Variants in BMP2K observed in about 807,000 individuals in gnomAD.
The protein encoded by BMP2K is BMP2 inducible kinase, also known as BMP-2-inducible protein kinase.
Under a neutral mutation model 116.0 loss-of-function variants are expected in BMP2K, and 74 were observed. That is an observed-to-expected ratio of 0.64 (90% confidence interval 0.53 to 0.77). The LOEUF is 0.77. Ranked by LOEUF, BMP2K falls within the 30% of genes least tolerant of loss-of-function variation. The pLI is 0.00. For synonymous variants in BMP2K, 486 were observed against 502.5 expected, an observed-to-expected ratio of 0.97 and a Z score of 0.44; for missense variants, 1,365 against 1,403.6, an observed-to-expected ratio of 0.97 and a Z score of 0.44.
intron 13 of BMP2K, among the ~76,000 whole-genome samples, chr4:78,876,519 A>G (rs1015142916): frequency 2.6e-5 from 4 of 152,220 alleles, no homozygotes; most frequent in Admixed American, 2.6e-4. Context: ...TGGCTCAGAT[A>G]TGCTGAAGGG....
chr4:78,798,427 TC>T (rs1331575492), intron 1 of BMP2K, among the ~76,000 whole-genome samples: 1 of 152,226 alleles, frequency 6.6e-6, no homozygotes, highest in Non-Finnish European at 1.5e-5. Flanking sequence ...TGTAGTCTCA[TC>T]AAGGGAGAAC....
chr4:78,913,298 T>C lies in BMP2K; in HGVS notation c.*1265T>C, dbSNP rs1040633188. 4 of 152,184 alleles carry C rather than the reference T, an allele frequency of 2.6e-5. No individual in the cohort carries two copies. The highest frequency in any genetic ancestry group is 5.9e-5 in the Non-Finnish European group (4 of 68,014). The allele number at this position is 152,184 out of a possible 1,614,324, so 9.4% of individuals were successfully genotyped here. On this transcript the variant is annotated 3_prime_UTR_variant, in exon 16 of 16. Transcript: ENST00000502613. ...CTAGCATCTTAATTCTGCTAGTTGATTGTGTCTTTACTGAAAAGAACCCAG... is the reference window on the plus strand; with the variant it reads ...CTAGCATCTTAATTCTGCTAGTTGACTGTGTCTTTACTGAAAAGAACCCAG...
chr4:78,781,020 T>C (rs1727479670), intron 1 of BMP2K, among the ~76,000 whole-genome samples: 1 of 152,132 alleles, frequency 6.6e-6, no homozygotes, highest in African/African-American at 2.4e-5. Context: ...CTGAAGTCTC[T>C]GTGTGAGGGA....
intron 15 of BMP2K, among the ~76,000 whole-genome samples, chr4:78,894,812 C>T (rs1733621162): frequency 1.3e-5 from 2 of 152,160 alleles, no homozygotes; most frequent in African/African-American, 4.8e-5. Flanking sequence ...ATTTCTAACT[C>T]TTGATTTAAA....
Position 78,776,615 on chromosome 4 carries a change from C to T in BMP2K, c.72C>T (p.Gly24=). Residue 24 remains glycine (G), a synonymous_variant, in exon 1 of 16, where the codon GGC becomes GGT. Transcript: ENST00000502613. ...SGGGAAGGGA[G]GAGAGAGCGS... ...GCGGAGCGGCGGGTGGCGGGGCTGG[C>T]GGGGCCGGGGCCGGGGCCGGCTGCG... is the stretch of plus-strand genomic sequence containing the variant. 6 of 1,167,240 alleles carry T rather than the reference C, an allele frequency of 5.1e-6. No homozygotes were observed. Among genetic ancestry groups the T allele is most frequent in the Non-Finnish European group, 4.3e-6 (4 of 939,918 alleles). 72.3% of individuals were successfully genotyped at this position (1,167,240 alleles called of 1,614,324 possible). A position where few individuals can be genotyped will look rare whatever the true frequency, so the allele number is the denominator to read the frequency against.
At chr4:78,851,749 TAAATC>T (rs985412489) in intron 7 of BMP2K, among the ~76,000 whole-genome samples, 1 of 152,100 alleles carries the variant, frequency 6.6e-6, no homozygotes, top group Non-Finnish European at 1.5e-5. Flanking sequence ...AAATTGCAGA[TAAATC>T]AAAGATTTAA....
intron 1 of BMP2K, among the ~76,000 whole-genome samples, chr4:78,804,894 A>G (rs1226005765): frequency 6.6e-6 from 1 of 151,892 alleles, no homozygotes; most frequent in Non-Finnish European, 1.5e-5. Flanking sequence ...CTTTCTTGAT[A>G]GTGTCTTCAA....
At chr4:78,868,069 A>G (rs920524678) in intron 10 of BMP2K, among the ~76,000 whole-genome samples, 14 of 152,176 alleles carry the variant, frequency 9.2e-5, no homozygotes, top group African/African-American at 2.9e-4. Flanking sequence ...CAAAAATAGT[A>G]AGTAAATAAA....
chr4:78,905,979 A>C (rs1271203308), intron 15 of BMP2K: 1 of 152,094 alleles, frequency 6.6e-6, no homozygotes, highest in Non-Finnish European at 1.5e-5. Flanking sequence ...TCTATGGAAT[A>C]GGACTGAAAG....
At chr4:78,862,094 A>G (rs1731826642) in intron 9 of BMP2K, among the ~76,000 whole-genome samples, 1 of 152,018 alleles carries the variant, frequency 6.6e-6, no homozygotes, top group African/African-American at 2.4e-5. Flanking sequence ...GACAGGTATA[A>G]TACTACATTT....
At chr4:78,883,374 C>G (rs940521859) in intron 14 of BMP2K, among the ~76,000 whole-genome samples, 1 of 151,926 alleles carries the variant, frequency 6.6e-6, no homozygotes, top group Admixed American at 6.6e-5. Context: ...ATTTTGTGTC[C>G]TGAGACTCAC....
At chr4:78,876,406 TA>T (rs1443109061) in intron 13 of BMP2K, among the ~76,000 whole-genome samples, 2 of 152,222 alleles carry the variant, frequency 1.3e-5, no homozygotes. Context: ...TTAAGATACC[TA>T]AGTTCTATTT....
intron 1 of BMP2K, among the ~76,000 whole-genome samples, chr4:78,819,906 G>A (rs867101988): frequency 1.3e-5 from 2 of 152,024 alleles, no homozygotes; most frequent in South Asian, 2.1e-4. Flanking sequence ...TTCTTGTTGG[G>A]CACTTTGAAA....
chr4:78,829,783 T>TTCTTTTCTCTTTTC (rs1553915832), intron 2 of BMP2K, among the ~76,000 whole-genome samples: 3 of 110,760 alleles, frequency 2.7e-5, no homozygotes, highest in Non-Finnish European at 5.3e-5. Flanking sequence ...TTCTTTTCTT[T>TTCTTTTCTCTTTTC]TCTTTTCTCT....
chr4:78,801,233 A>G (rs1728552636), intron 1 of BMP2K, among the ~76,000 whole-genome samples: 1 of 152,078 alleles, frequency 6.6e-6, no homozygotes, highest in Non-Finnish European at 1.5e-5. Context: ...TCACCAAGTC[A>G]GCTTCTCTTG....
Position 78,864,394 on chromosome 4 carries a change from C to T in BMP2K, c.1068-1163C>T, listed in dbSNP as rs1265695651. ...ATATAATTGATTACATATATATATA[C>T]ACCGATATATATATCGGTGTATATA... On this transcript the variant is annotated intron_variant, in intron 9 of 15. Transcript: ENST00000502613. 2.0e-5 allele frequency among the ~76,000 whole-genome samples: 3 copies of T among 151,154 alleles called. No homozygotes were observed. The East Asian group carries it at 5.8e-4, about 29-fold the overall frequency.
chr4:78,806,154 A>G (rs975328974), intron 1 of BMP2K, among the ~76,000 whole-genome samples: 1 of 138,020 alleles, frequency 7.2e-6, no homozygotes, highest in Non-Finnish European at 1.5e-5. Flanking sequence ...GTGTGTGTGT[A>G]TTCTTATAGG....
intron 1 of BMP2K, among the ~76,000 whole-genome samples, chr4:78,810,162 T>A (rs1298139775): frequency 6.6e-6 from 1 of 152,222 alleles, no homozygotes; most frequent in East Asian, 1.9e-4. Context: ...GACTAATAAG[T>A]CTTCTAGCTT....
chr4:78,824,784 A>G (rs1353764641), intron 1 of BMP2K, among the ~76,000 whole-genome samples: 1 of 152,220 alleles, frequency 6.6e-6, no homozygotes, highest in Non-Finnish European at 1.5e-5. Flanking sequence ...ATTGAGCTAT[A>G]GCATATTCTG....
Sources: allele counts gnomAD v4.1 joint callset (sites outside exome capture counted in the v4.1 genomes callset), GRCh38; gene constraint gnomAD v4.1.1; transcripts MANE v1.5; gene names NCBI Gene and HGNC (gene_info 2026-07-23, HGNC 2026-07-21).